ARID4B: variants seen among roughly 807,000 people sequenced by gnomAD.
The protein encoded by ARID4B is AT-rich interaction domain 4B.
Under a neutral mutation model 147.5 loss-of-function variants are expected in ARID4B, and 26 were observed. The observed-to-expected ratio is 0.18, with a 90% CI of 0.13 to 0.24. The LOEUF (loss-of-function observed/expected upper bound fraction) is 0.24, where lower values mean the gene tolerates loss of function less well. Among genes scored for constraint, ARID4B ranks in the 10% least tolerant of loss-of-function variants. The pLI is 1.00. For synonymous variants in ARID4B, 512 were observed against 507.9 expected, an observed-to-expected ratio of 1.01 and a Z score of -0.11; for missense variants, 1,179 against 1,511.5, an observed-to-expected ratio of 0.78 and a Z score of 3.65.
chr1:235,226,288 T>G (rs921468241), intron 11 of ARID4B, among the ~76,000 whole-genome samples: 1 of 152,302 alleles, frequency 6.6e-6, no homozygotes, highest in Non-Finnish European at 1.5e-5. Flanking sequence ...ACTTACAAAT[T>G]CGTGGGGAAG....
At chr1:235,282,850 G>A (rs1426705020) in intron 2 of ARID4B, among the ~76,000 whole-genome samples, 2 of 151,954 alleles carry the variant, frequency 1.3e-5, no homozygotes, top group African/African-American at 2.4e-5. Flanking sequence ...GCACGATCTC[G>A]GCTCACTGCA....
At position 235,252,720 on chromosome 1, in the gene ARID4B, G is replaced by A; in HGVS notation, c.354+10C>T. The A allele has an allele frequency of 1.2e-6, 2 of 1,607,790 alleles. No individual in the cohort carries two copies. Among genetic ancestry groups the A allele is most frequent in the Non-Finnish European group, 8.5e-7 (1 of 1,176,814 alleles). On this transcript the variant is annotated intron_variant, in intron 6 of 23. Transcript: ENST00000264183. ...ATTAAGACATGTTCATTTGTTAAAT[G>A]ATGACTTACTTCACTTTCAGCAAAA...
At chr1:235,247,196 G>A (rs1404685904) in intron 6 of ARID4B, among the ~76,000 whole-genome samples, 1 of 151,782 alleles carries the variant, frequency 6.6e-6, no homozygotes. Context: ...ACAAACATCA[G>A]AGCAACTAGA....
chr1:235,268,038 A>T (rs1310650943), intron 2 of ARID4B, among the ~76,000 whole-genome samples: 1 of 152,208 alleles, frequency 6.6e-6, no homozygotes, highest in East Asian at 1.9e-4. Flanking sequence ...AATAGGCACA[A>T]GGACAGAAGC....
intron 2 of ARID4B, among the ~76,000 whole-genome samples, chr1:235,279,549 C>T (rs547474376): frequency 2.0e-5 from 3 of 152,204 alleles, no homozygotes; most frequent in Middle Eastern, 3.4e-3. Context: ...AAATAATCAA[C>T]GCAAACAACT....
intron 11 of ARID4B, 104 bp downstream of exon 11, chr1:235,229,127 C>A: frequency 7.7e-7 from 1 of 1,294,408 alleles, no homozygotes; most frequent in South Asian, 1.5e-5. Flanking sequence ...ATTTCTCATA[C>A]TAAAAATACT....
At chr1:235,244,692 T>G (rs910529215) in intron 7 of ARID4B, among the ~76,000 whole-genome samples, 1 of 152,042 alleles carries the variant, frequency 6.6e-6, no homozygotes, top group African/African-American at 2.4e-5. Flanking sequence ...AACAACGAAG[T>G]CCTGGGAATC....
intron 2 of ARID4B, among the ~76,000 whole-genome samples, chr1:235,294,847 A>G (rs1230826673): frequency 6.6e-6 from 1 of 151,566 alleles, no homozygotes; most frequent in East Asian, 1.9e-4. Flanking sequence ...ACATTTTGAA[A>G]CCATGTAAAT....
chr1:235,244,579 G>A (rs1033746506), intron 7 of ARID4B, among the ~76,000 whole-genome samples: 1 of 152,020 alleles, frequency 6.6e-6, no homozygotes, highest in Non-Finnish European at 1.5e-5. Context: ...CAATTTAATG[G>A]AAGATGTTAA....
At chr1:235,315,226 C>A (rs1483064657) in intron 2 of ARID4B, among the ~76,000 whole-genome samples, 1 of 152,170 alleles carries the variant, frequency 6.6e-6, no homozygotes. Flanking sequence ...GAGTTCAAGA[C>A]TAGCCTGGGC....
rs1571960673 is a variant in ARID4B, at chr1:235,201,265, G to A, written c.1842-5150C>T. Among the ~76,000 whole-genome samples, 4 of 152,196 alleles carry A rather than the reference G, an allele frequency of 2.6e-5. 1 individual carries two copies. The Middle Eastern group carries it at 0.01, about 388-fold the overall frequency. Reference sequence around the variant, plus strand: ...AAATATTTCTCAATTTCTCCTTGGGGTACCACGTCAAGTAAGATATCTATT... The same window carrying A: ...AAATATTTCTCAATTTCTCCTTGGGATACCACGTCAAGTAAGATATCTATT... On this transcript the variant is annotated intron_variant, in intron 17 of 23. Transcript: ENST00000264183.
At chr1:235,210,919 CTT>C (rs778847497) in intron 17 of ARID4B, among the ~76,000 whole-genome samples, 8 of 152,176 alleles carry the variant, frequency 5.3e-5, no homozygotes, top group Non-Finnish European at 1.2e-4. Context: ...CTGGAATTCT[CTT>C]TCTTTTAGTC....
At chr1:235,298,852 T>C (rs1045242834) in intron 2 of ARID4B, among the ~76,000 whole-genome samples, 2 of 152,158 alleles carry the variant, frequency 1.3e-5, no homozygotes, top group Non-Finnish European at 2.9e-5. Flanking sequence ...ACCATACTGT[T>C]AATGTTTGCC....
At chr1:235,304,035 T>C (rs889312207) in intron 2 of ARID4B, among the ~76,000 whole-genome samples, 1 of 152,170 alleles carries the variant, frequency 6.6e-6, no homozygotes, top group African/African-American at 2.4e-5. Flanking sequence ...GCCACATTTC[T>C]CATATACTGA....
At chr1:235,221,893 T>A (rs933011135) in intron 13 of ARID4B, among the ~76,000 whole-genome samples, 1 of 50,062 alleles carries the variant, frequency 2.0e-5, no homozygotes. Context: ...ACTATTTTTT[T>A]TTTTTTTTTT....
intron 17 of ARID4B, among the ~76,000 whole-genome samples, chr1:235,202,880 AC>A (rs769207309): frequency 2.6e-5 from 4 of 151,986 alleles, no homozygotes; most frequent in Non-Finnish European, 5.9e-5. Context: ...AGACTCCAAG[AC>A]CATAAGTACA....
chr1:235,284,000 G>A (rs1671821479), intron 2 of ARID4B, among the ~76,000 whole-genome samples: 1 of 151,980 alleles, frequency 6.6e-6, no homozygotes, highest in African/African-American at 2.4e-5. Context: ...GCCTCCCAAA[G>A]TGTTAGGATT....
chr1:235,214,619 A>C (rs1366436346), intron 16 of ARID4B, among the ~76,000 whole-genome samples: 2 of 152,150 alleles, frequency 1.3e-5, no homozygotes, highest in African/African-American at 2.4e-5. Context: ...TACTATTTTA[A>C]TTTAAACAGA....
intron 23 of ARID4B, among the ~76,000 whole-genome samples, chr1:235,169,886 T>C (rs1404946577): frequency 6.6e-6 from 1 of 152,212 alleles, no homozygotes; most frequent in Admixed American, 6.5e-5. Context: ...GGTCTCGAAC[T>C]CCTGACCTCA....
Sources: gnomAD v4.1 joint callset for allele counts (sites outside exome capture counted in the v4.1 genomes callset) on GRCh38, gnomAD v4.1.1 for gene constraint, MANE v1.5 for transcripts, NCBI Gene and HGNC (gene_info 2026-07-23, HGNC 2026-07-21) for gene names.